ATP1B1: variants seen among roughly 807,000 people sequenced by gnomAD.
The protein encoded by ATP1B1 is sodium/potassium-transporting ATPase subunit beta-1.
A neutral mutation model predicts 39.6 loss-of-function variants in ATP1B1; 3 were observed. The observed-to-expected ratio is 0.08, with a 90% CI of 0.03 to 0.20. ATP1B1 has a LOEUF of 0.20. ATP1B1 is among the 10% of genes least tolerant of loss of function. The pLI, the probability that ATP1B1 is intolerant of heterozygous loss-of-function variation, is 1.00. For synonymous variants in ATP1B1, 139 were observed against 135.0 expected (o/e 1.03, Z -0.20); for missense variants, 216 against 371.1 (o/e 0.58, Z 3.43).
chr1:169,120,237 C>T (rs1001724811), intron 2 of ATP1B1, among the ~76,000 whole-genome samples: 2 of 152,126 alleles, frequency 1.3e-5, no homozygotes, highest in African/African-American at 4.8e-5. Context: ...GGCGTGGCCT[C>T]CTGGACATTT....
intron 3 of ATP1B1, among the ~76,000 whole-genome samples, chr1:169,126,028 G>A (rs1335815407): frequency 1.3e-5 from 2 of 152,140 alleles, no homozygotes; most frequent in Non-Finnish European, 1.5e-5. Context: ...GTTTTACTAG[G>A]TAATATCATC....
intron 1 of ATP1B1, among the ~76,000 whole-genome samples, chr1:169,109,267 A>G (rs915149875): frequency 6.6e-6 from 1 of 152,168 alleles, no homozygotes; most frequent in Non-Finnish European, 1.5e-5. Flanking sequence ...CCTCTGTATT[A>G]CTTTTTTTTA....
In ATP1B1 at chr1:169,131,837, T is replaced by C. The variant is rs1220398607; in HGVS notation, c.*282T>C. The C allele has an allele frequency of 7.2e-6, 3 of 418,938 alleles. No individual in the cohort carries two copies. The highest frequency in any genetic ancestry group is 1.3e-5 in the Non-Finnish European group (3 of 235,014). 26.0% of individuals were successfully genotyped at this position (418,938 alleles called of 1,614,324 possible). On this transcript the variant is annotated 3_prime_UTR_variant, in exon 6 of 6. Coordinates refer to ENST00000367815, the MANE Select transcript of ATP1B1 (RefSeq NM_001677.4). This position sits in a 1 kb window ranked among gnomAD's most constrained non-coding sequence, Gnocchi z 4.4. ...TTATGATTCCGTAACTGACTTGTAG[T>C]AAGCAGTGTTTCTGGCCCCTAAGTA...
At chr1:169,110,778 G>A (rs1657713396) in intron 1 of ATP1B1, 1 of 945,034 alleles carries the variant, frequency 1.1e-6, no homozygotes, top group South Asian at 1.5e-5. Flanking sequence ...AGTGTGCTTT[G>A]TTGATAATAC....
At chr1:169,114,783 AG>A in intron 2 of ATP1B1, among the ~76,000 whole-genome samples, 1 of 151,938 alleles carries the variant, frequency 6.6e-6, no homozygotes, top group African/African-American at 2.4e-5. Flanking sequence ...CAGCACTTTG[AG>A]AGACTGAGGC....
At chr1:169,120,803 TA>T (rs536188300) in intron 2 of ATP1B1, among the ~76,000 whole-genome samples, 211 of 152,350 alleles carry the variant, frequency 1.4e-3, no homozygotes, top group African/African-American at 4.9e-3. Context: ...CATTATTTCT[TA>T]TTTGCCCCGT....
chr1:169,132,521 C>A lies in ATP1B1; in HGVS notation c.*966C>A. On this transcript the variant is annotated 3_prime_UTR_variant, in exon 6 of 6. Transcript: ENST00000367815. ...GAAAAAGTGTAATGTATGAAATAAA[C>A]CAAAGTCACTTGTTTGAAAATAAAT... The A allele has an allele frequency of 2.3e-6, 1 of 434,016 alleles. No homozygotes were observed. Among genetic ancestry groups the A allele is most frequent in the Non-Finnish European group, 4.0e-6 (1 of 247,346 alleles). 26.9% of individuals were successfully genotyped at this position (434,016 alleles called of 1,614,324 possible).
chr1:169,116,482 A>ACT (rs1243295126), intron 2 of ATP1B1, among the ~76,000 whole-genome samples: 3 of 152,204 alleles, frequency 2.0e-5, no homozygotes, highest in Admixed American at 1.3e-4. Context: ...GGGTGGATGC[A>ACT]GACCAGCTGA....
At position 169,127,401 on chromosome 1, in the gene ATP1B1, A is replaced by G; in HGVS notation, c.560A>G (p.Lys187Arg). 1 of 1,608,222 alleles carries G rather than the reference A, an allele frequency of 6.2e-7. No individual in the cohort carries two copies. Among genetic ancestry groups the G allele is most frequent in the South Asian group, 1.1e-5 (1 of 89,232 alleles). Residue 187 changes from lysine to arginine, a missense_variant, in exon 4 of 6, where the codon AAA becomes AGA. Transcript: ENST00000367815. ...IIKLNRVLGF[K>R]PKPPKNESLE... Reference sequence around the variant, plus strand: ...AAGCTCAACCGAGTTCTAGGCTTCAAACCTAAGGCAAGTAATATTTTAAAT... The same window carrying G: ...AAGCTCAACCGAGTTCTAGGCTTCAGACCTAAGGCAAGTAATATTTTAAAT...
chr1:169,110,604 A>G, intron 1 of ATP1B1: 1 of 1,014,954 alleles, frequency 9.9e-7, no homozygotes, highest in Non-Finnish European at 1.2e-6. Context: ...CAGCTATTTC[A>G]GCCTCCATCC....
chr1:169,109,833 G>T (rs1340295429), intron 1 of ATP1B1, among the ~76,000 whole-genome samples: 1 of 152,014 alleles, frequency 6.6e-6, no homozygotes, highest in Non-Finnish European at 1.5e-5. Context: ...CTTGCTGACT[G>T]TTACACCAAC....
At chr1:169,111,734 T>TG (rs1657735543) in intron 2 of ATP1B1, among the ~76,000 whole-genome samples, 1 of 152,190 alleles carries the variant, frequency 6.6e-6, no homozygotes, top group Non-Finnish European at 1.5e-5. Context: ...TGAAGCGTCC[T>TG]GGTTCTTGGC....
chr1:169,126,772 C>CA (rs985483354), intron 3 of ATP1B1, among the ~76,000 whole-genome samples: 42 of 146,284 alleles, frequency 2.9e-4, no homozygotes, highest in East Asian at 8.0e-4. Flanking sequence ...AAATTCTGAC[C>CA]AAAAAAAAAA....
chr1:169,122,185 G>C (rs1318988957), intron 2 of ATP1B1, among the ~76,000 whole-genome samples: 1 of 152,128 alleles, frequency 6.6e-6, no homozygotes, highest in Non-Finnish European at 1.5e-5. Flanking sequence ...TGGCTCTTCG[G>C]GTGGCCCCTC....
chr1:169,131,807 G>C lies in ATP1B1; in HGVS notation c.*252G>C. ...GCCTTGGGACGTGCCCATTTTTACTGTAAATTATGATTCCGTAACTGACTT... is the reference window on the plus strand; with the variant it reads ...GCCTTGGGACGTGCCCATTTTTACTCTAAATTATGATTCCGTAACTGACTT... On this transcript the variant is annotated 3_prime_UTR_variant, in exon 6 of 6. Coordinates refer to ENST00000367815, the MANE Select transcript of ATP1B1 (RefSeq NM_001677.4). The surrounding 1 kb of genome is among the most constrained non-coding windows in gnomAD (Gnocchi z 4.4). The C allele has an allele frequency of 2.1e-6, 1 of 485,164 alleles. No homozygotes were observed. Among genetic ancestry groups the C allele is most frequent in the Non-Finnish European group, 3.6e-6 (1 of 278,154 alleles). 30.1% of individuals were successfully genotyped at this position (485,164 alleles called of 1,614,324 possible).
rs544091729 is a variant in ATP1B1, at chr1:169,131,739, A to G, written c.*184A>G. 1 of 711,626 alleles carries G rather than the reference A, an allele frequency of 1.4e-6. No individual in the cohort carries two copies. The highest frequency in any genetic ancestry group is 2.5e-5 in the South Asian group (1 of 40,396). The allele number at this position is 711,626 out of a possible 1,614,324, so 44.1% of individuals were successfully genotyped here. A position where few individuals can be genotyped will look rare whatever the true frequency, so the allele number is the denominator to read the frequency against. On this transcript the variant is annotated 3_prime_UTR_variant, in exon 6 of 6. Transcript: ENST00000367815. The surrounding 1 kb of genome is among the most constrained non-coding windows in gnomAD (Gnocchi z 4.4). The stretch of plus-strand genomic sequence containing the variant: ...ATTAAAGTGTAGCAATAGCAACAAA[A>G]TATTTATTCTACTGTAAATGACAAA...
chr1:169,122,271 G>A (rs1409478817), intron 2 of ATP1B1, among the ~76,000 whole-genome samples: 2 of 152,088 alleles, frequency 1.3e-5, no homozygotes, highest in Non-Finnish European at 2.9e-5. Context: ...TGAGCCTCTG[G>A]CTTTGGGTCT....
intron 2 of ATP1B1, among the ~76,000 whole-genome samples, chr1:169,114,514 G>A (rs191366265): frequency 1.3e-5 from 2 of 152,246 alleles, no homozygotes; most frequent in Admixed American, 6.5e-5. Flanking sequence ...TCTCAATAAC[G>A]TGTGAATGTG....
Position 169,132,081 on chromosome 1 carries a change from C to T in ATP1B1, c.*526C>T, listed in dbSNP as rs1658242377. ...TCAAAGGTAATGGCCCATCGATGAG[C>T]ATTTTTAACATACTCCATAGTCTTT... On this transcript the variant is annotated 3_prime_UTR_variant, in exon 6 of 6. Transcript: ENST00000367815. 3.1e-5 allele frequency: 10 copies of T among 319,702 alleles called. No homozygotes were observed. The highest frequency in any genetic ancestry group is 2.1e-4 in the South Asian group (8 of 38,074). The allele number at this position is 319,702 out of a possible 1,614,324, so 19.8% of individuals were successfully genotyped here. A position where few individuals can be genotyped will look rare whatever the true frequency, so the allele number is the denominator to read the frequency against.
Sources: allele counts gnomAD v4.1 joint callset (sites outside exome capture counted in the v4.1 genomes callset), GRCh38; gene constraint gnomAD v4.1.1; non-coding constraint Gnocchi (gnomAD v3.1); transcripts MANE v1.5; gene names NCBI Gene and HGNC (gene_info 2026-07-23, HGNC 2026-07-21).